MCC: variants seen among roughly 807,000 people sequenced by gnomAD.
The protein encoded by MCC is MCC regulator of Wnt signaling pathway, also known as colorectal mutant cancer protein.
Under a neutral mutation model 116.2 loss-of-function variants are expected in MCC, and 90 were observed. The ratio of observed to expected loss-of-function variants is 0.77; its 90% confidence interval spans 0.65 to 0.92. The LOEUF is 0.92. Among genes scored for constraint, MCC ranks in the 40% least tolerant of loss-of-function variants. The probability of loss-of-function intolerance (pLI) is 0.00; values close to 1 mark genes in which losing one functional copy is unlikely to be tolerated. For synonymous variants in MCC, 578 were observed against 510.5 expected, an observed-to-expected ratio of 1.13 and a Z score of -1.78; for missense variants, 1,516 against 1,312.2, an observed-to-expected ratio of 1.16 and a Z score of -2.40.
intron 3 of MCC, among the ~76,000 whole-genome samples, chr5:113,281,750 G>A (rs1029964447): frequency 4.6e-5 from 7 of 152,262 alleles, no homozygotes; most frequent in African/African-American, 1.4e-4. Context: ...AAAAACAACA[G>A]CAGGCAGTGA....
intron 1 of MCC, among the ~76,000 whole-genome samples, chr5:113,482,890 C>T (rs168366): frequency 0.31 from 47,162 of 151,972 alleles, 7,741 homozygotes; most frequent in African/African-American, 0.36. Context: ...ATAGTTCTTA[C>T]ATTTAAGTTT....
chr5:113,484,936 G>C (rs542369452), intron 1 of MCC, among the ~76,000 whole-genome samples: 32 of 152,248 alleles, frequency 2.1e-4, no homozygotes, highest in African/African-American at 7.2e-4. Context: ...AAGAGCTTAC[G>C]GTGGTCTCAC....
chr5:113,043,949 G>A (rs1459537026), intron 16 of MCC, among the ~76,000 whole-genome samples: 2 of 152,202 alleles, frequency 1.3e-5, no homozygotes, highest in East Asian at 1.9e-4. Context: ...AATACTCTCT[G>A]AGGCAGGAAC....
At chr5:113,475,104 G>A (rs375855534) in intron 1 of MCC, among the ~76,000 whole-genome samples, 12 of 152,244 alleles carry the variant, frequency 7.9e-5, no homozygotes, top group African/African-American at 2.9e-4. Flanking sequence ...TACAAATTTG[G>A]ACCTGTGGAT....
In MCC at chr5:113,208,296, C is replaced by T. The variant is rs1485675732; in HGVS notation, c.628-56874G>A. 3.3e-5 allele frequency among the ~76,000 whole-genome samples: 5 copies of T among 152,116 alleles called. No homozygotes were observed. In the East Asian group the frequency reaches 7.7e-4, roughly 23 times the overall value. The stretch of plus-strand genomic sequence containing the variant: ...TAGTTCAAATCAATCCCTTACATGG[C>T]ACACTTTGTGAGAAGGAAGTTGGAA... On this transcript the variant is annotated intron_variant, in intron 3 of 18. Transcript: ENST00000408903.
At chr5:113,206,602 G>T (rs542147225) in intron 3 of MCC, among the ~76,000 whole-genome samples, 1 of 152,212 alleles carries the variant, frequency 6.6e-6, no homozygotes, top group African/African-American at 2.4e-5. Context: ...CCAGCTACTT[G>T]GGATGCTGAG....
intron 2 of MCC, among the ~76,000 whole-genome samples, chr5:113,347,100 T>G (rs1581416795): frequency 6.6e-6 from 1 of 152,176 alleles, no homozygotes; most frequent in East Asian, 1.9e-4. Context: ...TATTCTTTAA[T>G]CTGAAAGAAA....
chr5:113,187,871 G>GTGTT (rs1761977763), intron 3 of MCC, among the ~76,000 whole-genome samples: 1 of 151,906 alleles, frequency 6.6e-6, no homozygotes, highest in Admixed American at 6.5e-5. Context: ...CCATACTTTA[G>GTGTT]ACAGAACCCA....
intron 8 of MCC, among the ~76,000 whole-genome samples, chr5:113,100,618 C>G (rs1206428102): frequency 1.3e-5 from 2 of 152,028 alleles, no homozygotes; most frequent in East Asian, 3.9e-4. Flanking sequence ...ACTACAGGCA[C>G]ACAGCACCAT....
chr5:113,278,891 G>C lies in MCC; in HGVS notation c.627+61628C>G, dbSNP rs950028481. Reference sequence around the variant, plus strand: ...TTCATTCTCACCACCATATAGTCTGGTTTATGCTGTCCAGAAATTTACAAA... The same window carrying C: ...TTCATTCTCACCACCATATAGTCTGCTTTATGCTGTCCAGAAATTTACAAA... On this transcript the variant is annotated intron_variant, in intron 3 of 18. Coordinates refer to ENST00000408903, the MANE Select transcript of MCC (RefSeq NM_001085377.2). Among the ~76,000 whole-genome samples, 9 of 152,326 alleles carry C rather than the reference G, an allele frequency of 5.9e-5. No individual in the cohort carries two copies. The South Asian group carries it at 1.7e-3, about 28-fold the overall frequency.
intron 6 of MCC, among the ~76,000 whole-genome samples, chr5:113,115,682 G>GTTTCTGCCAGAACT: frequency 6.6e-6 from 1 of 152,054 alleles, no homozygotes; most frequent in East Asian, 1.9e-4. Context: ...TCCGTCAGTG[G>GTTTCTGCCAGAACT]TTTCTGCCAG....
chr5:113,442,208 A>G (rs1291680014), intron 1 of MCC, among the ~76,000 whole-genome samples: 1 of 152,164 alleles, frequency 6.6e-6, no homozygotes, highest in East Asian at 1.9e-4. Context: ...CTGGCATGAG[A>G]TAGTAACTCA....
intron 5 of MCC, among the ~76,000 whole-genome samples, chr5:113,124,080 G>A (rs758817698): frequency 2.0e-5 from 3 of 152,136 alleles, no homozygotes; most frequent in South Asian, 2.1e-4. Flanking sequence ...AGCTGAGCCC[G>A]TGCTTTATAA....
intron 3 of MCC, among the ~76,000 whole-genome samples, chr5:113,197,715 C>T (rs1045624398): frequency 3.3e-5 from 5 of 152,178 alleles, no homozygotes; most frequent in African/African-American, 9.7e-5. Flanking sequence ...CTCACAGCAA[C>T]CCCACATGGG....
chr5:113,076,647 G>C (rs1053127342), intron 11 of MCC, among the ~76,000 whole-genome samples: 1 of 152,108 alleles, frequency 6.6e-6, no homozygotes, highest in Non-Finnish European at 1.5e-5. Flanking sequence ...CCTTACAAGA[G>C]CTCCTAAAGG....
chr5:113,113,231 C>T (rs1705622465), intron 6 of MCC, among the ~76,000 whole-genome samples: 1 of 152,198 alleles, frequency 6.6e-6, no homozygotes, highest in East Asian at 1.9e-4. Context: ...TGTTATATCC[C>T]AGGGATGTAA....
chr5:113,449,943 A>G (rs900567591), intron 1 of MCC, among the ~76,000 whole-genome samples: 1 of 152,338 alleles, frequency 6.6e-6, no homozygotes, highest in African/African-American at 2.4e-5. Context: ...GATTTTTTCC[A>G]TTTTAAAATG....
At chr5:113,193,926 G>A (rs1284271182) in intron 3 of MCC, among the ~76,000 whole-genome samples, 1 of 151,924 alleles carries the variant, frequency 6.6e-6, no homozygotes, top group African/African-American at 2.4e-5. Context: ...ATTTTTCTAT[G>A]AAAGTGTATT....
chr5:113,432,385 G>C (rs1215043578), intron 1 of MCC, among the ~76,000 whole-genome samples: 1 of 151,504 alleles, frequency 6.6e-6, no homozygotes, highest in Non-Finnish European at 1.5e-5. Context: ...CTCGGAGCTG[G>C]AGTGTACCTG....
Sources: allele counts gnomAD v4.1 joint callset (sites outside exome capture counted in the v4.1 genomes callset), GRCh38; gene constraint gnomAD v4.1.1; transcripts MANE v1.5; gene names NCBI Gene and HGNC (gene_info 2026-07-23, HGNC 2026-07-21).